OLAH: variants seen among roughly 807,000 people sequenced by gnomAD.
The protein encoded by OLAH is S-acyl fatty acid synthase thioesterase, medium chain.
A neutral mutation model predicts 27.8 loss-of-function variants in OLAH; 33 were observed. The observed-to-expected ratio is 1.19, with a 90% CI of 0.90 to 1.59. OLAH has a LOEUF of 1.59. OLAH is among the 40% of genes most tolerant of loss of function. The pLI is 0.00. For synonymous variants in OLAH, 120 were observed against 102.9 expected (o/e 1.17, Z -1.01); for missense variants, 359 against 310.8 (o/e 1.16, Z -1.17).
At chr10:15,056,907 G>A in intron 3 of OLAH, 1 of 1,534,200 alleles carries the variant, frequency 6.5e-7, no homozygotes, top group Non-Finnish European at 8.8e-7. Context: ...CCCATGTGCT[G>A]GCGTGAGCCA....
upstream of OLAH, among the ~76,000 whole-genome samples, chr10:15,040,352 C>A (rs563117299): frequency 6.6e-6 from 1 of 152,304 alleles, no homozygotes; most frequent in South Asian, 2.1e-4. Flanking sequence ...AGAAAGCTGG[C>A]TGACACCAGT....
At chr10:15,039,793 C>A (rs1343101409), upstream of OLAH, among the ~76,000 whole-genome samples, 2 of 152,170 alleles carry the variant, frequency 1.3e-5, no homozygotes, top group Admixed American at 1.3e-4. Context: ...GAAGACAAGG[C>A]CCCACAGGGA....
In OLAH at chr10:15,064,473, T is replaced by G; in HGVS notation, c.373T>G (p.Leu125Val). 1.3e-6 allele frequency: 2 copies of G among 1,594,066 alleles called. No homozygotes were observed. The highest frequency in any genetic ancestry group is 1.7e-6 in the Non-Finnish European group (2 of 1,172,924). ...KENNQPEPLH[L>V]FLSSATPVHS... ...AAACAATCAACCAGAACCATTGCAT[T>G]TATTTTTGTCAAGTGCAACTCCTGT... is the stretch of plus-strand genomic sequence containing the variant. Residue 125 changes from leucine (L) to valine (V), a missense_variant, in exon 5 of 8, where the codon TTA (leucine) becomes GTA (valine). Physicochemically the swap from Leu to Val is conservative, Grantham distance 32 (BLOSUM62 1). Coordinates refer to ENST00000378228, the MANE Select transcript of OLAH (RefSeq NM_001039702.3).
In OLAH at chr10:15,064,465, C is replaced by T; in HGVS notation, c.365C>T (p.Pro122Leu). The T allele has an allele frequency of 1.3e-6, 2 of 1,594,052 alleles. No homozygotes were observed. Among genetic ancestry groups the T allele is most frequent in the African/African-American group, 2.7e-5 (2 of 73,752 alleles). The change falls in exon 5 of 8, where the codon CCA (proline) becomes CTA (leucine). Residue 122 changes from proline to leucine, a missense_variant. By Grantham distance (98) the Pro-to-Leu change is moderately conservative. Transcript: ENST00000378228. ...LGLKENNQPE[P>L]LHLFLSSATP... ...CTAAAAGAAAACAATCAACCAGAAC[C>T]ATTGCATTTATTTTTGTCAAGTGCA... is the stretch of plus-strand genomic sequence containing the variant.
Position 15,052,729 on chromosome 10 carries a change from C to CTT in OLAH, c.163+2979_163+2980dup, listed in dbSNP as rs1366770171. Among the ~76,000 whole-genome samples, 519 of 130,842 alleles carry CTT rather than the reference C, an allele frequency of 4.0e-3. 8 individuals carry two copies. The highest frequency in any genetic ancestry group is 0.011 in the African/African-American group (412 of 36,282). The allele number at this position is 130,842 out of a possible 152,430, so 85.8% of individuals were successfully genotyped here. ...TTGGTAATTTGTTTGGAGGGCTTTTCTTTTTTTTTTTTTTTTGGTGACAGA... is the reference window on the plus strand; with the variant it reads ...TTGGTAATTTGTTTGGAGGGCTTTTCTTTTTTTTTTTTTTTTTTGGTGACAGA... On this transcript the variant is annotated intron_variant, in intron 3 of 7. Transcript: ENST00000378228.
At chr10:15,072,711 T>C (rs1240678581) in intron 7 of OLAH, among the ~76,000 whole-genome samples, 1 of 151,664 alleles carries the variant, frequency 6.6e-6, no homozygotes, top group African/African-American at 2.4e-5. Flanking sequence ...CAGACATCTT[T>C]CTGGCGGCCG....
intron 3 of OLAH, chr10:15,056,987 G>T: frequency 2.1e-6 from 3 of 1,408,424 alleles, no homozygotes; most frequent in East Asian, 2.9e-5. Context: ...TTTTTAGTAG[G>T]TTTTTTGTGT....
At chr10:15,065,151 A>C (rs370667127) in intron 5 of OLAH, among the ~76,000 whole-genome samples, 1 of 152,190 alleles carries the variant, frequency 6.6e-6, no homozygotes, top group East Asian at 1.9e-4. Context: ...ATTGTGGGTC[A>C]GCTGGGAACT....
At chr10:15,047,661 C>T (rs1844048101) in intron 2 of OLAH, among the ~76,000 whole-genome samples, 2 of 152,006 alleles carry the variant, frequency 1.3e-5, no homozygotes. Flanking sequence ...GACGAGATCG[C>T]GCCACTGCAC....
Position 15,057,926 on chromosome 10 carries a change from T to A in OLAH, c.164-3798T>A, listed in dbSNP as rs1014206736. Among the ~76,000 whole-genome samples, 14 of 152,354 alleles carry A rather than the reference T, an allele frequency of 9.2e-5. No individual in the cohort carries two copies. In the South Asian group the frequency reaches 2.3e-3, roughly 25 times the overall value. Reference sequence around the variant, plus strand: ...TATCTTGATTACTGTGGCCTTATAATAAGCCTTAGATATCCAGTAGCATAA... The same window carrying A: ...TATCTTGATTACTGTGGCCTTATAAAAAGCCTTAGATATCCAGTAGCATAA... On this transcript the variant is annotated intron_variant, in intron 3 of 7. Transcript: ENST00000378228.
At chr10:15,069,872 C>CA (rs1564535782) in intron 6 of OLAH, among the ~76,000 whole-genome samples, 1 of 151,660 alleles carries the variant, frequency 6.6e-6, no homozygotes, top group Non-Finnish European at 1.5e-5. Context: ...TCTAAAAAAA[C>CA]AAAAAAAGAC....
At chr10:15,032,884 TC>T (rs1256714097) in intron 1 of OLAH, among the ~76,000 whole-genome samples, 1 of 70,926 alleles carries the variant, frequency 1.4e-5, no homozygotes, top group Admixed American at 1.3e-4. Flanking sequence ...TTTTTTGTTT[TC>T]TTTTTTTTAG....
At chr10:15,037,911 C>T (rs1342198233) in intron 1 of OLAH, among the ~76,000 whole-genome samples, 5 of 152,230 alleles carry the variant, frequency 3.3e-5, no homozygotes, top group Admixed American at 6.5e-5. Flanking sequence ...CAAAGAGCCA[C>T]AGGCCAGGAA....
At chr10:15,072,155 A>G (rs1442096066) in intron 7 of OLAH, among the ~76,000 whole-genome samples, 9 of 152,136 alleles carry the variant, frequency 5.9e-5, no homozygotes, top group Admixed American at 5.9e-4. Flanking sequence ...GCTGGCCTCG[A>G]ACTCCTGACC....
Position 15,072,264 on chromosome 10 carries a change from G to A in OLAH, c.655+387G>A, listed in dbSNP as rs1238782261. 2.0e-5 allele frequency among the ~76,000 whole-genome samples: 3 copies of A among 151,818 alleles called. No homozygotes were observed. The East Asian group carries it at 5.8e-4, about 29-fold the overall frequency. ...AAAATTTTTTTTTTTAATTTTTATGGGTACATAGTAGGTGTATATATTTAC... is the reference window on the plus strand; with the variant it reads ...AAAATTTTTTTTTTTAATTTTTATGAGTACATAGTAGGTGTATATATTTAC... On this transcript the variant is annotated intron_variant, in intron 7 of 7. Coordinates refer to ENST00000378228, the MANE Select transcript of OLAH (RefSeq NM_001039702.3).
chr10:15,041,217 T>C (rs928074052), upstream of OLAH, among the ~76,000 whole-genome samples: 2 of 152,250 alleles, frequency 1.3e-5, no homozygotes, highest in African/African-American at 4.8e-5. Context: ...GATAGGATAC[T>C]TTCAGTTCTT....
chr10:15,064,920 G>T (rs1000169350), intron 5 of OLAH, among the ~76,000 whole-genome samples: 1 of 152,180 alleles, frequency 6.6e-6, no homozygotes, highest in African/African-American at 2.4e-5. Flanking sequence ...GCCTCCCAAA[G>T]TGCTGGGATT....
At chr10:15,070,161 T>C (rs1248563411) in intron 6 of OLAH, among the ~76,000 whole-genome samples, 1 of 141,002 alleles carries the variant, frequency 7.1e-6, no homozygotes, top group Non-Finnish European at 1.5e-5. Flanking sequence ...TTTTTTTTTT[T>C]CCTCTCATTG....
chr10:15,041,341 C>T (rs1167067894), upstream of OLAH, among the ~76,000 whole-genome samples: 21 of 146,580 alleles, frequency 1.4e-4, no homozygotes, highest in African/African-American at 3.5e-4. Flanking sequence ...TGCAATGGTG[C>T]GATCTTGGCT....
Sources: gnomAD v4.1 joint callset for allele counts (sites outside exome capture counted in the v4.1 genomes callset) on GRCh38, gnomAD v4.1.1 for gene constraint, MANE v1.5 for transcripts, NCBI Gene and HGNC (gene_info 2026-07-23, HGNC 2026-07-21) for gene names.